NOL10: variants seen among roughly 807,000 people sequenced by gnomAD.
NOL10 encodes the protein H_NH0074G24.1.
A neutral mutation model predicts 103.5 loss-of-function variants in NOL10; 58 were observed. That is an observed-to-expected ratio of 0.56 (90% CI 0.45 to 0.70). NOL10 has a LOEUF of 0.70. Among genes scored for constraint, NOL10 ranks in the 30% least tolerant of loss-of-function variants. The probability of loss-of-function intolerance (pLI) is 0.00; values close to 1 mark genes in which losing one functional copy is unlikely to be tolerated. For synonymous variants in NOL10, 287 were observed against 282.5 expected (o/e 1.02, Z -0.16); for missense variants, 763 against 807.3 (o/e 0.95, Z 0.67).
intron 13 of NOL10, among the ~76,000 whole-genome samples, chr2:10,641,174 CA>C (rs35267200): frequency 0.044 from 4,392 of 99,466 alleles, 182 homozygotes; most frequent in African/African-American, 0.14. Context: ...TACAAAAATA[CA>C]AAAAAAAAAA....
intron 13 of NOL10, among the ~76,000 whole-genome samples, chr2:10,640,889 C>T (rs979911700): frequency 6.6e-6 from 1 of 152,144 alleles, no homozygotes. Flanking sequence ...AACCAGGAAC[C>T]AATTTGTATA....
intron 13 of NOL10, among the ~76,000 whole-genome samples, chr2:10,628,105 T>C (rs1018392711): frequency 1.1e-4 from 16 of 152,158 alleles, no homozygotes; most frequent in Non-Finnish European, 1.9e-4. Flanking sequence ...TTCAGGCCAA[T>C]GTCCTATCAT....
chr2:10,687,432 C>A (rs1410582076), intron 1 of NOL10, among the ~76,000 whole-genome samples: 1 of 152,220 alleles, frequency 6.6e-6, no homozygotes, highest in African/African-American at 2.4e-5. Flanking sequence ...GTGCCCACTA[C>A]TCTTTCTTCT....
rs1483632960 is a variant in NOL10 at position 10,602,841 on chromosome 2, C to T, written c.1267G>A (p.Glu423Lys). Residue 423 changes from glutamate to lysine, a missense_variant, in exon 16 of 21, where the codon GAA (glutamate) becomes AAA (lysine). Coordinates refer to ENST00000381685, the MANE Select transcript of NOL10 (RefSeq NM_024894.4). ...KLMVNPFAYE[E>K]YRKDKIRQKI... ...TGTCGTATTTTATCTTTCCTATATT[C>T]TTCATAAGCAAATGGATTTACCATC... 1 of 1,609,346 alleles carries T rather than the reference C, an allele frequency of 6.2e-7. No individual in the cohort carries two copies. Among genetic ancestry groups the T allele is most frequent in the Non-Finnish European group, 8.5e-7 (1 of 1,177,590 alleles).
chr2:10,623,705 C>G (rs1677279196), intron 13 of NOL10, among the ~76,000 whole-genome samples: 1 of 150,614 alleles, frequency 6.6e-6, no homozygotes, highest in Non-Finnish European at 1.5e-5. Context: ...ATGACCCAGC[C>G]CCCCAAATAC....
intron 13 of NOL10, among the ~76,000 whole-genome samples, chr2:10,639,346 C>T (rs971501250): frequency 1.3e-5 from 2 of 152,122 alleles, no homozygotes; most frequent in Admixed American, 6.5e-5. Flanking sequence ...GGCGTGAAGC[C>T]GGGAGGCAGA....
intron 3 of NOL10, among the ~76,000 whole-genome samples, chr2:10,680,735 G>GT (rs1457268543): frequency 6.6e-6 from 1 of 152,064 alleles, no homozygotes; most frequent in Non-Finnish European, 1.5e-5. Flanking sequence ...TGTATAAAAG[G>GT]TATTACCAAA....
intron 3 of NOL10, 132 bp downstream of exon 3, chr2:10,681,833 CTATACA>C: frequency 2.5e-6 from 1 of 394,852 alleles, no homozygotes; most frequent in Non-Finnish European, 4.5e-6. Context: ...TGGGTGTTTA[CTATACA>C]ATTTTTTCAA....
chr2:10,659,083 T>C (rs1306287870), intron 10 of NOL10, 89 bp downstream of exon 10: 1 of 875,004 alleles, frequency 1.1e-6, no homozygotes, highest in Non-Finnish European at 1.9e-6. Flanking sequence ...ATGATCTCAT[T>C]TTCTGTTCCT....
chr2:10,654,532 A>T lies in NOL10; in HGVS notation c.922T>A (p.Ser308Thr). The T allele has an allele frequency of 1.9e-6, 3 of 1,594,816 alleles. No individual in the cohort carries two copies. The highest frequency in any genetic ancestry group is 2.6e-6 in the Non-Finnish European group (3 of 1,174,502). ...WNKNSGKIFTSLEPEHDLNDV... is the reference protein window; with the variant it reads ...WNKNSGKIFTTLEPEHDLNDV... ...TTAAGGTCATGCTCTGGCTCCAAGG[A>T]AGTAAATATTTTTCCCTAAAAATAG... is the stretch of plus-strand genomic sequence containing the variant. Residue 308 changes from serine to threonine, a missense_variant, in exon 12 of 21, where the codon TCC becomes ACC. Coordinates refer to ENST00000381685, the MANE Select transcript of NOL10 (RefSeq NM_024894.4).
Position 10,689,951 on chromosome 2 carries a change from C to T in NOL10, c.-90G>A. 1.6e-6 allele frequency: 2 copies of T among 1,262,476 alleles called. No homozygotes were observed. Among genetic ancestry groups the T allele is most frequent in the East Asian group, 2.6e-5 (1 of 38,454 alleles). The allele number at this position is 1,262,476 out of a possible 1,614,324, so 78.2% of individuals were successfully genotyped here. On this transcript the variant is annotated 5_prime_UTR_variant, in exon 1 of 21. Transcript: ENST00000381685. Reference sequence around the variant, plus strand: ...CCGGGACCTCCGAGCCCCTGCTCCGCGGCGTGCGGCCGCTGGCGCCGACTG... The same window carrying T: ...CCGGGACCTCCGAGCCCCTGCTCCGTGGCGTGCGGCCGCTGGCGCCGACTG...
At chr2:10,638,970 T>C (rs1678514798) in intron 13 of NOL10, among the ~76,000 whole-genome samples, 1 of 151,624 alleles carries the variant, frequency 6.6e-6, no homozygotes, top group Admixed American at 6.6e-5. Context: ...GCCTGGTTAA[T>C]TTTTGTACTT....
Position 10,668,654 on chromosome 2 carries a change from TC to T in NOL10, c.530+3del, listed in dbSNP as rs1680708590. On this transcript the variant is annotated splice_donor_region_variant and intron_variant, in intron 7 of 20. Coordinates refer to ENST00000381685, the MANE Select transcript of NOL10 (RefSeq NM_024894.4). ...TATATAGCAGAATTACTAAAACTAC[TC>T]ACGCAGCATCAGTTTGTAGAGGATT... 5.1e-6 allele frequency: 7 copies of T among 1,372,564 alleles called. No homozygotes were observed. Among genetic ancestry groups the T allele is most frequent in the African/African-American group, 1.4e-5 (1 of 69,370 alleles). The allele number at this position is 1,372,564 out of a possible 1,614,324, so 85.0% of individuals were successfully genotyped here. A position where few individuals can be genotyped will look rare whatever the true frequency, so the allele number is the denominator to read the frequency against.
chr2:10,622,051 C>T (rs1243041411), intron 13 of NOL10: 1 of 471,166 alleles, frequency 2.1e-6, no homozygotes, highest in Non-Finnish European at 4.4e-6. Context: ...TGACTAATGG[C>T]TACCACACAG....
intron 2 of NOL10, among the ~76,000 whole-genome samples, chr2:10,684,070 C>A (rs1037743671): frequency 2.0e-5 from 3 of 151,478 alleles, no homozygotes; most frequent in Admixed American, 6.6e-5. Flanking sequence ...CCTGAGGTCG[C>A]AAGTTCGAGA....
chr2:10,621,624 G>A (rs1230394190), intron 13 of NOL10, among the ~76,000 whole-genome samples: 2 of 152,034 alleles, frequency 1.3e-5, no homozygotes, highest in South Asian at 4.1e-4. Flanking sequence ...TTAACTTTGG[G>A]CTTCTAGGCA....
intron 13 of NOL10, among the ~76,000 whole-genome samples, chr2:10,638,647 A>AC (rs1361263975): frequency 6.7e-6 from 1 of 148,924 alleles, no homozygotes; most frequent in African/African-American, 2.5e-5. Context: ...GCCCACAATG[A>AC]CCCCCGGCTG....
At chr2:10,666,847 T>G (rs1395419593) in intron 8 of NOL10, among the ~76,000 whole-genome samples, 12 of 152,178 alleles carry the variant, frequency 7.9e-5, no homozygotes, top group Non-Finnish European at 1.8e-4. Flanking sequence ...TCCAAACCAT[T>G]CAAGTGTTAC....
At chr2:10,631,710 TCTCC>T (rs1487877162) in intron 13 of NOL10, among the ~76,000 whole-genome samples, 5 of 140,102 alleles carry the variant, frequency 3.6e-5, no homozygotes, top group Admixed American at 7.1e-5. Context: ...TGAACCATGT[TCTCC>T]CTGTTTTTTT....
Sources: allele counts gnomAD v4.1 joint callset (sites outside exome capture counted in the v4.1 genomes callset), GRCh38; gene constraint gnomAD v4.1.1; transcripts MANE v1.5; gene names NCBI Gene and HGNC (gene_info 2026-07-23, HGNC 2026-07-21).